WTIP: variants seen among roughly 807,000 people sequenced by gnomAD.
WTIP encodes the protein WT1 interacting protein.
Under a neutral mutation model 41.7 loss-of-function variants are expected in WTIP, and 23 were observed. The ratio of observed to expected loss-of-function variants is 0.55; its 90% CI spans 0.40 to 0.78. The LOEUF is 0.78. Ranked by LOEUF, WTIP falls within the 30% of genes least tolerant of loss-of-function variation. The probability of loss-of-function intolerance (pLI) is 0.00; values close to 1 mark genes in which losing one functional copy is unlikely to be tolerated. For synonymous variants in WTIP, 314 were observed against 269.9 expected (o/e 1.16, Z -1.60); for missense variants, 619 against 610.5 (o/e 1.01, Z -0.15).
rs374622399 is a variant in WTIP at position 34,493,239 on chromosome 19, C to G, written c.838-24C>G. On this transcript the variant is annotated intron_variant, in intron 3 of 7. Coordinates refer to ENST00000590071, the MANE Select transcript of WTIP (RefSeq NM_001080436.2). This position sits in a 1 kb window ranked among gnomAD's most constrained non-coding sequence, Gnocchi z 4.1. The stretch of plus-strand genomic sequence containing the variant: ...CGAGTGCCCCTTTGTCACACAATGT[C>G]CTGGATCCTGTGTCCCCTCCCAGTA... 10 of 1,613,578 alleles carry G rather than the reference C, an allele frequency of 6.2e-6. No homozygotes were observed. Among genetic ancestry groups the G allele is most frequent in the African/African-American group, 1.3e-5 (1 of 75,030 alleles).
intron 7 of WTIP, among the ~76,000 whole-genome samples, chr19:34,498,822 C>T (rs1388200288): frequency 6.6e-6 from 1 of 152,046 alleles, no homozygotes; most frequent in East Asian, 1.9e-4. Flanking sequence ...ATGGCGTGAA[C>T]CCGGGAGGCG....
chr19:34,495,637 A>G (rs1451776107), intron 6 of WTIP, 66 bp from the exon 7 acceptor site: 22 of 1,560,056 alleles, frequency 1.4e-5, no homozygotes, highest in Non-Finnish European at 1.9e-5. Flanking sequence ...GTGGGAGTGT[A>G]CACTCACGCA....
intron 7 of WTIP, 44 bp from the exon 8 acceptor site, chr19:34,500,085 G>T (rs765865322): frequency 8.2e-6 from 13 of 1,590,886 alleles, no homozygotes; most frequent in Non-Finnish European, 1.1e-5. Context: ...TCTGATGTGC[G>T]CTTGTCTGCT....
Position 34,482,618 on chromosome 19 carries a change from C to T in WTIP, c.644C>T (p.Ala215Val). The T allele has an allele frequency of 1.6e-6, 2 of 1,229,732 alleles. No individual in the cohort carries two copies. Among genetic ancestry groups the T allele is most frequent in the African/African-American group, 1.6e-5 (1 of 64,284 alleles). The allele number at this position is 1,229,732 out of a possible 1,614,324, so 76.2% of individuals were successfully genotyped here. A position where few individuals can be genotyped will look rare whatever the true frequency, so the allele number is the denominator to read the frequency against. ...LTRELERALEARTARDYFGIC... is the reference protein window; with the variant it reads ...LTRELERALEVRTARDYFGIC... ...CGGGAGCTGGAGCGGGCGCTCGAGG[C>T]GCGCACGGCGCGGGACTACTTCGGT... Residue 215 changes from alanine (A) to valine (V), a missense_variant, in exon 1 of 8, where the codon GCG becomes GTG. Physicochemically the swap from Ala to Val is moderately conservative, Grantham distance 64. This residue lies in a region of WTIP where 363 missense variants were observed against 309.0 expected (regional missense o/e 1.17). Transcript: ENST00000590071.
chr19:34,486,160 C>A (rs1447815272), intron 1 of WTIP, among the ~76,000 whole-genome samples: 1 of 152,152 alleles, frequency 6.6e-6, no homozygotes, highest in Non-Finnish European at 1.5e-5. Flanking sequence ...GTGGTAACTC[C>A]AGTCTGCTTC....
chr19:34,482,010 C>G lies in WTIP; in HGVS notation c.36C>G (p.Ala12=). 1 of 1,020,986 alleles carries G rather than the reference C, an allele frequency of 9.8e-7. No homozygotes were observed. Among genetic ancestry groups the G allele is most frequent in the Non-Finnish European group, 1.2e-6 (1 of 854,496 alleles). The allele number at this position is 1,020,986 out of a possible 1,614,324, so 63.2% of individuals were successfully genotyped here. A position where few individuals can be genotyped will look rare whatever the true frequency, so the allele number is the denominator to read the frequency against. Residue 12 remains alanine, a synonymous_variant, in exon 1 of 8, where the codon GCC becomes GCG. Transcript: ENST00000590071. ...CCAGGGCGGGCGCGGACGAGGCGGCCCTACTCCTGGCCGGGCTGGCCCTGC... is the reference window on the plus strand; with the variant it reads ...CCAGGGCGGGCGCGGACGAGGCGGCGCTACTCCTGGCCGGGCTGGCCCTGC... ...QRSRAGADEA[A]LLLAGLALRE...
In WTIP at chr19:34,502,266, T is replaced by G. The variant is rs1237383375; in HGVS notation, c.*1997T>G. The G allele has an allele frequency of 6.7e-6, 1 of 150,370 alleles. No homozygotes were observed. Among genetic ancestry groups the G allele is most frequent in the Admixed American group, 6.6e-5 (1 of 15,074 alleles). The allele number at this position is 150,370 out of a possible 1,614,324, so 9.3% of individuals were successfully genotyped here. A position where few individuals can be genotyped will look rare whatever the true frequency, so the allele number is the denominator to read the frequency against. On this transcript the variant is annotated 3_prime_UTR_variant, in exon 8 of 8. Transcript: ENST00000590071. Reference sequence around the variant, plus strand: ...CCACTGTGCCCGGCTTTTTTTTTTTTTTTTTTTGAGACAGGGTCTCGTTCT... The same window carrying G: ...CCACTGTGCCCGGCTTTTTTTTTTTGTTTTTTTGAGACAGGGTCTCGTTCT...
chr19:34,497,426 TC>T (rs981201276), intron 7 of WTIP, among the ~76,000 whole-genome samples: 2 of 152,062 alleles, frequency 1.3e-5, no homozygotes, highest in Admixed American at 1.3e-4. Context: ...CAATTTCTCT[TC>T]CTCCGTTCTG....
rs990900106 is a variant in WTIP, at chr19:34,500,553, T to G, written c.*284T>G. ...CAGGGTAGGCCGTGGGTCACCAGGCTGGAGAGGGCCCCTGCCTTGGCCAGG... is the reference window on the plus strand; with the variant it reads ...CAGGGTAGGCCGTGGGTCACCAGGCGGGAGAGGGCCCCTGCCTTGGCCAGG... On this transcript the variant is annotated 3_prime_UTR_variant, in exon 8 of 8. Transcript: ENST00000590071. The G allele has an allele frequency of 5.3e-6, 2 of 375,878 alleles. No individual in the cohort carries two copies. The highest frequency in any genetic ancestry group is 4.1e-5 in the African/African-American group (2 of 48,844). 23.3% of individuals were successfully genotyped at this position (375,878 alleles called of 1,614,324 possible).
intron 1 of WTIP, among the ~76,000 whole-genome samples, chr19:34,485,871 G>A (rs1185943017): frequency 1.3e-5 from 2 of 152,164 alleles, no homozygotes; most frequent in Admixed American, 6.6e-5. Context: ...GGGATTACAG[G>A]CGGGAGCCAC....
At chr19:34,494,561 C>T (rs11671685) in intron 5 of WTIP, 25 bp from the exon 6 acceptor site, 850,305 of 1,609,874 alleles carry the variant, frequency 0.53, 237,743 homozygotes, top group Non-Finnish European at 0.58. Context: ...CAGCTGATCA[C>T]TTCTGGTTTC....
intron 1 of WTIP, among the ~76,000 whole-genome samples, chr19:34,488,830 G>T (rs1416855112): frequency 6.7e-6 from 1 of 149,244 alleles, no homozygotes; most frequent in Non-Finnish European, 1.5e-5. Flanking sequence ...TTGAGCCCAG[G>T]ATGTCAAGGC....
chr19:34,495,670 C>T, intron 6 of WTIP, 33 bp from the exon 7 acceptor site: 2 of 1,612,034 alleles, frequency 1.2e-6, no homozygotes, highest in Non-Finnish European at 1.7e-6. Context: ...TCCCCACATG[C>T]TCATCGTGTG....
rs570971230 is a variant in WTIP, at chr19:34,510,665, A to T, written c.*10396A>T. 6.6e-6 allele frequency: 1 copy of T among 152,254 alleles called. No individual in the cohort carries two copies. Among genetic ancestry groups the T allele is most frequent in the Non-Finnish European group, 1.5e-5 (1 of 68,010 alleles). 9.4% of individuals were successfully genotyped at this position (152,254 alleles called of 1,614,324 possible). A position where few individuals can be genotyped will look rare whatever the true frequency, so the allele number is the denominator to read the frequency against. Reference sequence around the variant, plus strand: ...GCATCGTCAGGCTGCAAATTTTCCAATTTTTTATGCTCTGTTTCCCTTTTA... The same window carrying T: ...GCATCGTCAGGCTGCAAATTTTCCATTTTTTTATGCTCTGTTTCCCTTTTA... On this transcript the variant is annotated 3_prime_UTR_variant, in exon 8 of 8. Transcript: ENST00000590071.
chr19:34,490,472 C>G lies in WTIP; in HGVS notation c.764C>G (p.Ser255Trp). The G allele has an allele frequency of 1.9e-6, 3 of 1,613,952 alleles. No homozygotes were observed. Among genetic ancestry groups the G allele is most frequent in the Non-Finnish European group, 2.5e-6 (3 of 1,179,844 alleles). ...LYHTDCFTCDSCGRRLRGKAF... is the reference protein window; with the variant it reads ...LYHTDCFTCDWCGRRLRGKAF... ...CACACTGACTGCTTCACCTGCGACT[C>G]GTGTGGTAGGTAACCTCGTGCCCTG... Residue 255 changes from serine to tryptophan, a missense_variant, in exon 2 of 8, where the codon TCG (serine) becomes TGG (tryptophan). Physicochemically the swap from Ser to Trp is radical, Grantham distance 177 (BLOSUM62 -3). Coordinates refer to ENST00000590071, the MANE Select transcript of WTIP (RefSeq NM_001080436.2).
rs995217956 is a variant in WTIP, at chr19:34,505,849, A to C, written c.*5580A>C. ...GGAGAGGCCCTGGACCGGGCCTGGCATTTACTCACCCTCCTCCCATCCCAC... is the reference window on the plus strand; with the variant it reads ...GGAGAGGCCCTGGACCGGGCCTGGCCTTTACTCACCCTCCTCCCATCCCAC... On this transcript the variant is annotated 3_prime_UTR_variant, in exon 8 of 8. Transcript: ENST00000590071. 6.6e-6 allele frequency: 1 copy of C among 152,362 alleles called. No individual in the cohort carries two copies. The highest frequency in any genetic ancestry group is 2.4e-5 in the African/African-American group (1 of 41,426). The allele number at this position is 152,362 out of a possible 1,614,324, so 9.4% of individuals were successfully genotyped here. A position where few individuals can be genotyped will look rare whatever the true frequency, so the allele number is the denominator to read the frequency against.
intron 1 of WTIP, among the ~76,000 whole-genome samples, chr19:34,484,763 T>G (rs2075789021): frequency 6.6e-6 from 1 of 151,786 alleles, no homozygotes; most frequent in Non-Finnish European, 1.5e-5. Flanking sequence ...GTGGCACATT[T>G]TTTTTCTGAG....
chr19:34,491,722 G>A (rs1331925023), intron 2 of WTIP, among the ~76,000 whole-genome samples: 1 of 152,022 alleles, frequency 6.6e-6, no homozygotes, highest in East Asian at 1.9e-4. Flanking sequence ...TCGGCTCACT[G>A]CCACCTCCGT....
chr19:34,490,300 G>A, intron 1 of WTIP, 76 bp from the exon 2 acceptor site: 1 of 1,424,334 alleles, frequency 7.0e-7, no homozygotes, highest in Non-Finnish European at 9.9e-7. Context: ...GGTGGGCGGT[G>A]TCAAGACGGG....
Sources: allele counts gnomAD v4.1 joint callset (sites outside exome capture counted in the v4.1 genomes callset), GRCh38; gene constraint gnomAD v4.1.1; regional missense constraint gnomAD v4.1.1; non-coding constraint Gnocchi (gnomAD v3.1); transcripts MANE v1.5; gene names NCBI Gene and HGNC (gene_info 2026-07-23, HGNC 2026-07-21).